LUC7L2: variants seen among roughly 807,000 people sequenced by gnomAD.
LUC7L2 encodes the protein putative RNA-binding protein Luc7-like 2.
Under a neutral mutation model 52.8 loss-of-function variants are expected in LUC7L2, and 25 were observed. The ratio of observed to expected loss-of-function variants is 0.47; its 90% CI spans 0.34 to 0.66. The LOEUF (loss-of-function observed/expected upper bound fraction) is 0.66, where lower values mean the gene tolerates loss of function less well. LUC7L2 is among the 30% of genes least tolerant of loss of function. The pLI, the probability that LUC7L2 is intolerant of heterozygous loss-of-function variation, is 0.01. For missense variants in LUC7L2, 328 were observed against 497.8 expected (o/e 0.66, Z 3.25); for synonymous variants, 144 against 160.9 (o/e 0.89, Z 0.80).
In LUC7L2 at chr7:139,395,671, A is replaced by G. The variant is rs559816115; in HGVS notation, c.157-2928A>G. On this transcript the variant is annotated intron_variant, in intron 2 of 9. Transcript: ENST00000354926. The stretch of plus-strand genomic sequence containing the variant: ...TGTTTTTACTTTTGAGACAGGGTCT[A>G]GCTCTGTCACCCAGGCTGGAATGCA... 7.2e-5 allele frequency among the ~76,000 whole-genome samples: 11 copies of G among 152,272 alleles called. No homozygotes were observed. In the South Asian group the frequency reaches 2.1e-3, roughly 29 times the overall value.
At chr7:139,350,776 A>G (rs1052457532) in intron 1 of LUC7L2, among the ~76,000 whole-genome samples, 20 of 151,272 alleles carry the variant, frequency 1.3e-4, no homozygotes, top group Non-Finnish European at 2.7e-4. Context: ...TCTGGGTTCA[A>G]GTGATTCTCC....
At position 139,412,969 on chromosome 7, in the gene LUC7L2, A is replaced by G. The variant is rs548901041; in HGVS notation, c.809+389A>G. On this transcript the variant is annotated intron_variant, in intron 8 of 9. Transcript: ENST00000354926. ...GTTCTAAGAGGTTGTAGCTGTTGAA[A>G]ACATTAGTAGGTTAATAGTTGGATA... is the stretch of plus-strand genomic sequence containing the variant. 1.4e-4 allele frequency: 22 copies of G among 154,228 alleles called. No homozygotes were observed. The East Asian group carries it at 4.1e-3, about 29-fold the overall frequency. 9.6% of individuals were successfully genotyped at this position (154,228 alleles called of 1,614,324 possible). A position where few individuals can be genotyped will look rare whatever the true frequency, so the allele number is the denominator to read the frequency against.
At chr7:139,403,135 A>T (rs571673618) in intron 4 of LUC7L2, among the ~76,000 whole-genome samples, 1 of 152,330 alleles carries the variant, frequency 6.6e-6, no homozygotes, top group South Asian at 2.1e-4. Context: ...CATTGTACAG[A>T]TATACCACAG....
At chr7:139,345,431 T>G in intron 1 of LUC7L2, 1 of 1,584,550 alleles carries the variant, frequency 6.3e-7, no homozygotes, top group Non-Finnish European at 8.6e-7. Flanking sequence ...GAATGCTTAT[T>G]TATTAAATCT....
chr7:139,422,397 T>G lies in LUC7L2; in HGVS notation c.*57T>G, dbSNP rs1795946418. 1 of 1,551,524 alleles carries G rather than the reference T, an allele frequency of 6.4e-7. No homozygotes were observed. The highest frequency in any genetic ancestry group is 2.0e-5 in the Admixed American group (1 of 49,720). ...TTCCTACGGAGTTACGTACTATTGT[T>G]TAGTTCACAGCTGTTCAGGGTGACA... On this transcript the variant is annotated 3_prime_UTR_variant, in exon 10 of 10. Transcript: ENST00000354926.
chr7:139,382,875 A>G (rs1298265373), intron 2 of LUC7L2, among the ~76,000 whole-genome samples: 1 of 151,924 alleles, frequency 6.6e-6, no homozygotes, highest in Non-Finnish European at 1.5e-5. Flanking sequence ...TTAAAGCCTG[A>G]TCTAAAAATC....
chr7:139,421,337 CAAAT>C (rs1795894939), intron 9 of LUC7L2, among the ~76,000 whole-genome samples: 1 of 152,102 alleles, frequency 6.6e-6, no homozygotes, highest in Non-Finnish European at 1.5e-5. Flanking sequence ...TGTAAAGAAC[CAAAT>C]AAATGTAATT....
chr7:139,377,911 G>T (rs777023761), intron 2 of LUC7L2, among the ~76,000 whole-genome samples: 47 of 142,250 alleles, frequency 3.3e-4, no homozygotes, highest in Non-Finnish European at 2.7e-4. Flanking sequence ...TCCACCTCCC[G>T]GGCTCAAGAG....
chr7:139,412,856 T>C (rs1383640696), intron 8 of LUC7L2: 1 of 205,798 alleles, frequency 4.9e-6, no homozygotes, highest in Non-Finnish European at 9.5e-6. Flanking sequence ...AAAGAAAATT[T>C]TTTTTGAAAT....
intron 1 of LUC7L2, among the ~76,000 whole-genome samples, chr7:139,350,869 T>C (rs1222922957): frequency 1.3e-5 from 2 of 151,998 alleles, no homozygotes; most frequent in East Asian, 3.9e-4. Context: ...AGAGATGGGG[T>C]TTCACCATGT....
At position 139,422,194 on chromosome 7, in the gene LUC7L2, T is replaced by A. The variant is rs199809653; in HGVS notation, c.1033T>A (p.Leu345Ile). The A allele has an allele frequency of 1.4e-4, 218 of 1,613,118 alleles. No homozygotes were observed. The highest frequency in any genetic ancestry group is 1.8e-4 in the Non-Finnish European group (213 of 1,179,790). The part of the protein sequence containing the change: ...SSKERFRDQD[L>I]ASCDRDRSSR... ...AAAAGAAAGATTCAGAGACCAAGAC[T>A]TAGCATCATGTGACAGAGACAGGAG... is the stretch of plus-strand genomic sequence containing the variant. The change falls in exon 10 of 10, where the codon TTA becomes ATA. Residue 345 changes from leucine (L) to isoleucine (I), a missense_variant. This residue lies in a region of LUC7L2 where 195 missense variants were observed against 223.3 expected (regional missense o/e 0.87). Transcript: ENST00000354926.
chr7:139,416,040 A>AATATATATATATATATATATATAT (rs66498771), intron 8 of LUC7L2: 1 of 97,744 alleles, frequency 1.0e-5, no homozygotes, highest in Non-Finnish European at 2.4e-5. Flanking sequence ...TGAGGTATAA[A>AATATATATATATATATATATATAT]ATATATATAT....
At chr7:139,405,021 T>C (rs1795058734) in intron 4 of LUC7L2, among the ~76,000 whole-genome samples, 1 of 152,220 alleles carries the variant, frequency 6.6e-6, no homozygotes, top group African/African-American at 2.4e-5. Context: ...GAAATACAGA[T>C]AGCTGTCCTT....
chr7:139,364,781 T>C (rs888510724), intron 1 of LUC7L2, among the ~76,000 whole-genome samples: 4 of 152,250 alleles, frequency 2.6e-5, no homozygotes, highest in Non-Finnish European at 5.9e-5. Flanking sequence ...TTAATGGATT[T>C]TATTTATAAA....
intron 2 of LUC7L2, among the ~76,000 whole-genome samples, chr7:139,394,504 T>G (rs1264809439): frequency 6.6e-6 from 1 of 152,178 alleles, no homozygotes; most frequent in Admixed American, 6.6e-5. Context: ...TGATGTAACT[T>G]TAAAGAAGTG....
chr7:139,391,972 A>G (rs1476140904), intron 2 of LUC7L2, among the ~76,000 whole-genome samples: 1 of 152,160 alleles, frequency 6.6e-6, no homozygotes, highest in Non-Finnish European at 1.5e-5. Flanking sequence ...AACAACCCTC[A>G]TAGTAATATA....
At chr7:139,396,275 T>TA (rs892978393) in intron 2 of LUC7L2, among the ~76,000 whole-genome samples, 149 of 148,114 alleles carry the variant, frequency 1.0e-3, no homozygotes, top group East Asian at 2.0e-3. Flanking sequence ...TGTCTCTACT[T>TA]AAAAAAAAAA....
At chr7:139,383,352 A>C (rs933752193) in intron 2 of LUC7L2, among the ~76,000 whole-genome samples, 3 of 151,972 alleles carry the variant, frequency 2.0e-5, no homozygotes, top group Non-Finnish European at 4.4e-5. Flanking sequence ...TCCTGACCTC[A>C]GGTGATCCGC....
At chr7:139,349,877 A>G (rs1799396366) in intron 1 of LUC7L2, among the ~76,000 whole-genome samples, 1 of 152,222 alleles carries the variant, frequency 6.6e-6, no homozygotes, top group African/African-American at 2.4e-5. Context: ...ATGAATTTTG[A>G]CAAATGAATA....
Sources: allele counts gnomAD v4.1 joint callset (sites outside exome capture counted in the v4.1 genomes callset), GRCh38; gene constraint gnomAD v4.1.1; regional missense constraint gnomAD v4.1.1; transcripts MANE v1.5; gene names NCBI Gene and HGNC (gene_info 2026-07-23, HGNC 2026-07-21).